PCDH9: variants seen among roughly 807,000 people sequenced by gnomAD.
The protein encoded by PCDH9 is protocadherin-9.
Under a neutral mutation model 70.6 loss-of-function variants are expected in PCDH9, and 24 were observed. That is an observed-to-expected ratio of 0.34 (90% CI 0.25 to 0.48). The LOEUF (loss-of-function observed/expected upper bound fraction) is 0.48, where lower values mean the gene tolerates loss of function less well. PCDH9 is among the 20% of genes least tolerant of loss of function. The pLI, the probability that PCDH9 is intolerant of heterozygous loss-of-function variation, is 0.99. For missense variants in PCDH9, 1,281 were observed against 1,503.6 expected (o/e 0.85, Z 2.45); for synonymous variants, 562 against 558.5 (o/e 1.01, Z -0.09).
At chr13:67,116,061 A>C (rs1170709640) in intron 2 of PCDH9, among the ~76,000 whole-genome samples, 7 of 152,170 alleles carry the variant, frequency 4.6e-5, no homozygotes, top group Admixed American at 2.0e-4. Context: ...AAAGGATTAT[A>C]TAACATAACT....
At chr13:66,773,012 A>G (rs1033210190) in intron 3 of PCDH9, among the ~76,000 whole-genome samples, 10 of 152,208 alleles carry the variant, frequency 6.6e-5, no homozygotes, top group Non-Finnish European at 1.5e-5. Flanking sequence ...TTAGACGTGA[A>G]CCTGAATAAA....
In PCDH9 at chr13:66,394,770, T is replaced by A. The variant is rs1476701805; in HGVS notation, c.3341-89742A>T. ...AAAAGGAGTGGGTTAGATGATGATATTTCTTGAGTGAACACAAGCTATTTT... is the reference window on the plus strand; with the variant it reads ...AAAAGGAGTGGGTTAGATGATGATAATTCTTGAGTGAACACAAGCTATTTT... On this transcript the variant is annotated intron_variant, in intron 4 of 4. Coordinates refer to ENST00000377865, the MANE Select transcript of PCDH9 (RefSeq NM_203487.3). 2.6e-5 allele frequency among the ~76,000 whole-genome samples: 4 copies of A among 152,214 alleles called. No individual in the cohort carries two copies. The East Asian group carries it at 7.7e-4, about 29-fold the overall frequency.
chr13:66,849,479 T>C (rs991836135), intron 3 of PCDH9, among the ~76,000 whole-genome samples: 3 of 111,776 alleles, frequency 2.7e-5, no homozygotes, highest in Non-Finnish European at 5.2e-5. Context: ...ATGACAATCA[T>C]AGGTAGGTAT....
intron 4 of PCDH9, among the ~76,000 whole-genome samples, chr13:66,538,583 G>T (rs1960807014): frequency 6.6e-6 from 1 of 152,020 alleles, no homozygotes; most frequent in South Asian, 2.1e-4. Context: ...GAGTCCAAAG[G>T]AAGTGTGTTG....
chr13:66,978,898 T>G (rs2083679277), intron 2 of PCDH9, among the ~76,000 whole-genome samples: 1 of 151,486 alleles, frequency 6.6e-6, no homozygotes, highest in African/African-American at 2.4e-5. Flanking sequence ...GCCAAAATCA[T>G]GTATATATTT....
intron 4 of PCDH9, among the ~76,000 whole-genome samples, chr13:66,490,523 G>A (rs1369341359): frequency 6.6e-6 from 1 of 151,562 alleles, no homozygotes; most frequent in African/African-American, 2.4e-5. Context: ...TCAGCACAAG[G>A]TTTATTTATT....
At chr13:66,769,589 A>T (rs531194364) in intron 3 of PCDH9, among the ~76,000 whole-genome samples, 1 of 152,132 alleles carries the variant, frequency 6.6e-6, no homozygotes, top group South Asian at 2.1e-4. Flanking sequence ...TTAAAAGTTG[A>T]CATGTAGACC....
At chr13:66,463,455 G>A (rs551323027) in intron 4 of PCDH9, among the ~76,000 whole-genome samples, 4 of 151,912 alleles carry the variant, frequency 2.6e-5, no homozygotes, top group African/African-American at 9.6e-5. Context: ...ACAAGACAGA[G>A]CAAGAGAGAG....
chr13:67,003,094 C>A (rs1169514680), intron 2 of PCDH9, among the ~76,000 whole-genome samples: 1 of 152,074 alleles, frequency 6.6e-6, no homozygotes, highest in Non-Finnish European at 1.5e-5. Flanking sequence ...CCATTTTCCT[C>A]AGTCTCCCAA....
intron 2 of PCDH9, among the ~76,000 whole-genome samples, chr13:67,144,937 T>G (rs2087484889): frequency 6.6e-6 from 1 of 152,144 alleles, no homozygotes; most frequent in African/African-American, 2.4e-5. Context: ...TTAACCCCCT[T>G]AATTCCTACA....
At chr13:67,180,029 A>G (rs2088574566) in intron 2 of PCDH9, among the ~76,000 whole-genome samples, 1 of 152,164 alleles carries the variant, frequency 6.6e-6, no homozygotes, top group Non-Finnish European at 1.5e-5. Flanking sequence ...CATCTAGATT[A>G]GAACTTTTAA....
intron 4 of PCDH9, among the ~76,000 whole-genome samples, chr13:66,597,443 T>C (rs1046794687): frequency 7.3e-5 from 11 of 151,706 alleles, no homozygotes; most frequent in African/African-American, 2.7e-4. Context: ...TACAGTCAAA[T>C]GATCTTCAAG....
intron 3 of PCDH9, among the ~76,000 whole-genome samples, chr13:66,891,720 C>A (rs2082099088): frequency 6.6e-6 from 1 of 151,976 alleles, no homozygotes; most frequent in Non-Finnish European, 1.5e-5. Flanking sequence ...TTAAAAAACA[C>A]CATTTCTGAA....
At chr13:66,381,992 AAAAG>A (rs1324749110) in intron 4 of PCDH9, among the ~76,000 whole-genome samples, 2 of 152,166 alleles carry the variant, frequency 1.3e-5, no homozygotes, top group Admixed American at 1.3e-4. Flanking sequence ...AAGAAAAAAA[AAAAG>A]AAAACCTGTG....
At chr13:66,789,424 G>A (rs947871843) in intron 3 of PCDH9, among the ~76,000 whole-genome samples, 2 of 152,002 alleles carry the variant, frequency 1.3e-5, no homozygotes, top group African/African-American at 4.8e-5. Context: ...TTGGCAATTG[G>A]ACAAACTTAA....
chr13:67,130,676 C>T (rs2087091205), intron 2 of PCDH9, among the ~76,000 whole-genome samples: 1 of 151,968 alleles, frequency 6.6e-6, no homozygotes, highest in Non-Finnish European at 1.5e-5. Flanking sequence ...AGAACTGCCT[C>T]ATCATAGGAA....
At chr13:66,893,039 T>A (rs2082120958) in intron 3 of PCDH9, among the ~76,000 whole-genome samples, 1 of 152,100 alleles carries the variant, frequency 6.6e-6, no homozygotes, top group Admixed American at 6.6e-5. Context: ...CCAAAATAAG[T>A]TGTATGGAAT....
intron 2 of PCDH9, among the ~76,000 whole-genome samples, chr13:67,191,718 C>T (rs879481325): frequency 1.1e-4 from 16 of 152,182 alleles, no homozygotes; most frequent in Middle Eastern, 3.4e-3. Flanking sequence ...ATATTCTTAA[C>T]GCCATTCTCT....
chr13:66,558,133 C>T (rs1311137122), intron 4 of PCDH9, among the ~76,000 whole-genome samples: 4 of 152,156 alleles, frequency 2.6e-5, no homozygotes, highest in Non-Finnish European at 5.9e-5. Context: ...CCAGCCGGAA[C>T]AACAGAGCCA....
Sources: allele counts gnomAD v4.1 joint callset (sites outside exome capture counted in the v4.1 genomes callset), GRCh38; gene constraint gnomAD v4.1.1; transcripts MANE v1.5; gene names NCBI Gene and HGNC (gene_info 2026-07-23, HGNC 2026-07-21).